DLG4: variants seen among roughly 807,000 people sequenced by gnomAD.
The protein encoded by DLG4 is disks large homolog 4.
A neutral mutation model predicts 93.8 loss-of-function variants in DLG4; 7 were observed. That is an observed-to-expected ratio of 0.07 (90% CI 0.04 to 0.14). The LOEUF (loss-of-function observed/expected upper bound fraction) is 0.14, where lower values mean the gene tolerates loss of function less well. DLG4 is among the 10% of genes least tolerant of loss of function. DLG4 has a pLI of 1.00. For missense variants in DLG4, 545 were observed against 992.9 expected, an observed-to-expected ratio of 0.55 and a Z score of 6.06; for synonymous variants, 341 against 387.6, an observed-to-expected ratio of 0.88 and a Z score of 1.41.
At chr17:7,207,007 G>A (rs1450320024) in intron 2 of DLG4, among the ~76,000 whole-genome samples, 1 of 152,132 alleles carries the variant, frequency 6.6e-6, no homozygotes, top group Non-Finnish European at 1.5e-5. Context: ...AAGTGGACTG[G>A]AGAATGGAAG....
chr17:7,219,921 T>TGGGCGTGCAGGTCGC (rs1555527391), upstream of DLG4: 29 of 1,555,298 alleles, frequency 1.9e-5, no homozygotes, highest in Non-Finnish European at 2.5e-5. Flanking sequence ...CGCCAGGACG[T>TGGGCGTGCAGGTCGC]GGGCGTGCAG....
Position 7,203,180 on chromosome 17 carries a change from A to T in DLG4, c.642+13T>A. On this transcript the variant is annotated intron_variant, in intron 7 of 19. Coordinates refer to ENST00000399506, the MANE Select transcript of DLG4 (RefSeq NM_001321075.3). The surrounding 1 kb of genome is among the most constrained non-coding windows in gnomAD (Gnocchi z 7.2). ...AAATCTGGGCTAGAAAATGGGCTAG[A>T]TGGAGTCCTCACCGCCAGGATCTTG... 6.3e-7 allele frequency: 1 copy of T among 1,587,006 alleles called. No homozygotes were observed. Among genetic ancestry groups the T allele is most frequent in the Non-Finnish European group, 8.6e-7 (1 of 1,160,616 alleles).
At chr17:7,219,446 A>T, upstream of DLG4, 1 of 1,023,972 alleles carries the variant, frequency 9.8e-7, no homozygotes, top group Non-Finnish European at 1.2e-6. Context: ...TGAATGGCCT[A>T]CATCTCAGAA....
At chr17:7,217,952 T>C (rs2071011777), upstream of DLG4, 4 of 848,168 alleles carry the variant, frequency 4.7e-6, no homozygotes, top group Non-Finnish European at 7.3e-6. Context: ...AAGGAGGCAA[T>C]CCCTGGGGGC....
chr17:7,202,770 G>C lies in DLG4; in HGVS notation c.787+133C>G, dbSNP rs768733878. 8 of 1,092,330 alleles carry C rather than the reference G, an allele frequency of 7.3e-6. No individual in the cohort carries two copies. In the African/African-American group the frequency reaches 1.1e-4, roughly 15 times the overall value. 67.7% of individuals were successfully genotyped at this position (1,092,330 alleles called of 1,614,324 possible). On this transcript the variant is annotated intron_variant, in intron 8 of 19. Transcript: ENST00000399506. ...ATTTTCCATCTCTTCTCCAACAACAGCAAGGATCAGAGGTTGTGGCTATTT... is the reference window on the plus strand; with the variant it reads ...ATTTTCCATCTCTTCTCCAACAACACCAAGGATCAGAGGTTGTGGCTATTT...
At chr17:7,219,027 C>T, upstream of DLG4, 1 of 673,004 alleles carries the variant, frequency 1.5e-6, no homozygotes, top group South Asian at 1.8e-5. Context: ...CCCTGGCCCC[C>T]TCTTCCCATA....
chr17:7,197,057 G>A lies in DLG4; in HGVS notation c.788-5C>T, dbSNP rs772718126. On this transcript the variant is annotated splice_polypyrimidine_tract_variant and splice_region_variant and intron_variant, in intron 8 of 19. Coordinates refer to ENST00000399506, the MANE Select transcript of DLG4 (RefSeq NM_001321075.3). Reference sequence around the variant, plus strand: ...TGTCCAGGTGCTGGGAATAAGCTGAGGAAGACAGGGCAGAGATGAAAGTGC... The same window carrying A: ...TGTCCAGGTGCTGGGAATAAGCTGAAGAAGACAGGGCAGAGATGAAAGTGC... The A allele has an allele frequency of 5.0e-6, 8 of 1,601,808 alleles. No homozygotes were observed. In the South Asian group the frequency reaches 6.7e-5, roughly 13 times the overall value.
chr17:7,201,026 A>AT (rs899688375), intron 8 of DLG4, among the ~76,000 whole-genome samples: 12 of 149,884 alleles, frequency 8.0e-5, no homozygotes, highest in African/African-American at 1.2e-4. Flanking sequence ...CACCCAGCTA[A>AT]TTTTTTTTTG....
chr17:7,202,987 T>C lies in DLG4; in HGVS notation c.703A>G (p.Thr235Ala). The C allele has an allele frequency of 6.2e-7, 1 of 1,613,450 alleles. No homozygotes were observed. The highest frequency in any genetic ancestry group is 8.5e-7 in the Non-Finnish European group (1 of 1,179,432). Residue 235 changes from threonine to alanine, a missense_variant, in exon 8 of 20, where the codon ACG (threonine) becomes GCG (alanine). By Grantham distance (58) the Thr-to-Ala change is moderately conservative. Transcript: ENST00000399506. ...ACCTTTAGGTAGACAACATCATACG[T>C]GTTCTTCAGGGCTGCCACAGCATCT... The part of the protein sequence containing the change: ...HEDAVAALKN[T>A]YDVVYLKVAK...
At position 7,195,028 on chromosome 17, in the gene DLG4, A is replaced by AAAAAAG. The variant is rs201281411; in HGVS notation, c.1302-539_1302-534dup. ...AGCGAGACACCGTCTCAAAAAAAAA[A>AAAAAAG]AAAAAGAAAAAGAAAAAGAAAAACA... On this transcript the variant is annotated intron_variant, in intron 11 of 19. Transcript: ENST00000399506. This position sits in a 1 kb window ranked among gnomAD's most constrained non-coding sequence, Gnocchi z 4.3. Among the ~76,000 whole-genome samples, 403 of 151,482 alleles carry AAAAAAG rather than the reference A, an allele frequency of 2.7e-3. 3 individuals carry two copies. The highest frequency in any genetic ancestry group is 9.4e-3 in the African/African-American group (390 of 41,338).
intron 19 of DLG4, 142 bp from the exon 20 acceptor site, chr17:7,190,956 G>A: frequency 1.6e-6 from 1 of 613,466 alleles, no homozygotes; most frequent in Middle Eastern, 4.2e-4. Context: ...CGCCCACAGG[G>A]GCACCTCTTT....
intron 1 of DLG4, among the ~76,000 whole-genome samples, chr17:7,209,991 G>A (rs977918056): frequency 6.6e-6 from 1 of 152,108 alleles, no homozygotes; most frequent in East Asian, 1.9e-4. Flanking sequence ...GCAGTGAGCC[G>A]AGATCATGCC....
At chr17:7,207,882 G>C (rs2070546713) in intron 2 of DLG4, among the ~76,000 whole-genome samples, 1 of 152,022 alleles carries the variant, frequency 6.6e-6, no homozygotes, top group Non-Finnish European at 1.5e-5. Flanking sequence ...TTTCTCCTCT[G>C]TGGGACCAAG....
At chr17:7,206,383 C>T (rs1164139956) in intron 2 of DLG4, among the ~76,000 whole-genome samples, 1 of 152,146 alleles carries the variant, frequency 6.6e-6, no homozygotes. Context: ...AAAATTGGGG[C>T]TTCTCCTGTT....
chr17:7,197,954 C>T (rs758708482), intron 8 of DLG4, among the ~76,000 whole-genome samples: 2 of 152,112 alleles, frequency 1.3e-5, no homozygotes, highest in Non-Finnish European at 2.9e-5. Context: ...TCATAGGTAG[C>T]GCTACGTTCT....
upstream of DLG4, chr17:7,218,933 A>C (rs1183167744): frequency 5.4e-6 from 8 of 1,485,982 alleles, no homozygotes; most frequent in Non-Finnish European, 7.5e-6. Flanking sequence ...AGCTGTGAGT[A>C]AAGTAGGCCG....
chr17:7,213,973 T>A, intron 1 of DLG4: 1 of 415,006 alleles, frequency 2.4e-6, no homozygotes. Context: ...CTGCAGGCCC[T>A]GCTTATCCAC....
At position 7,192,006 on chromosome 17, in the gene DLG4, G is replaced by C. The variant is rs961013360; in HGVS notation, c.1867-4C>G. 2.1e-6 allele frequency: 3 copies of C among 1,426,574 alleles called. No individual in the cohort carries two copies. The highest frequency in any genetic ancestry group is 2.9e-5 in the African/African-American group (2 of 67,992). 88.4% of individuals were successfully genotyped at this position (1,426,574 alleles called of 1,614,324 possible). ...CATCGAGGATGCAGTGCTTCCCCTGGGGGCAGGCAGGGTGGGCGGAGGGGG... is the reference window on the plus strand; with the variant it reads ...CATCGAGGATGCAGTGCTTCCCCTGCGGGCAGGCAGGGTGGGCGGAGGGGG... On this transcript the variant is annotated splice_polypyrimidine_tract_variant and splice_region_variant and intron_variant, in intron 17 of 19. Transcript: ENST00000399506.
upstream of DLG4, chr17:7,219,058 G>T (rs739669): frequency 1.6e-6 from 1 of 615,806 alleles, no homozygotes; most frequent in African/African-American, 1.8e-5. Context: ...ACCTAGCCAC[G>T]CTCTCCTGAG....
Sources: gnomAD v4.1 joint callset for allele counts (sites outside exome capture counted in the v4.1 genomes callset) on GRCh38, gnomAD v4.1.1 for gene constraint, Gnocchi (gnomAD v3.1) non-coding constraint, MANE v1.5 for transcripts, NCBI Gene and HGNC (gene_info 2026-07-23, HGNC 2026-07-21) for gene names.